Variants in SPG11 observed in about 807,000 individuals in gnomAD.
SPG11 encodes SPG11 vesicle trafficking associated, spatacsin.
A neutral mutation model predicts 274.0 loss-of-function variants in SPG11; 222 were observed. The ratio of observed to expected loss-of-function variants is 0.81; its 90% CI spans 0.73 to 0.91. The LOEUF (loss-of-function observed/expected upper bound fraction) is 0.91, where lower values mean the gene tolerates loss of function less well. SPG11 is among the 40% of genes least tolerant of loss of function. SPG11 has a pLI of 0.00. For missense variants in SPG11, 3,114 were observed against 2,872.7 expected (o/e 1.08, Z -1.92); for synonymous variants, 1,144 against 1,039.7 (o/e 1.10, Z -1.93).
chr15:44,589,792 T>C (rs1029851982), intron 27 of SPG11, among the ~76,000 whole-genome samples: 1 of 152,216 alleles, frequency 6.6e-6, no homozygotes, highest in African/African-American at 2.4e-5. Flanking sequence ...GATGTTTCAC[T>C]TAGCAGCTTC....
In SPG11 at chr15:44,627,652, C is replaced by T. The variant is rs577981690; in HGVS notation, c.2067+1017G>A. Among the ~76,000 whole-genome samples the T allele has an allele frequency of 3.0e-4, 46 of 151,464 alleles. 1 individual carries two copies. In the South Asian group the frequency reaches 4.8e-3, roughly 16 times the overall value. On this transcript the variant is annotated intron_variant, in intron 10 of 39. Coordinates refer to ENST00000261866, the MANE Select transcript of SPG11 (RefSeq NM_025137.4). ...TCACCTGGGCTGGAGTGCAGTGGTG[C>T]GATCTCAGCTCACCGCAACCTCCAC... is the stretch of plus-strand genomic sequence containing the variant.
chr15:44,580,390 A>C (rs560378227), intron 30 of SPG11, among the ~76,000 whole-genome samples: 18 of 152,272 alleles, frequency 1.2e-4, no homozygotes, highest in Non-Finnish European at 2.2e-4. Flanking sequence ...CCTCATTGTT[A>C]ACGCATGGCT....
intron 20 of SPG11, among the ~76,000 whole-genome samples, chr15:44,601,017 C>T (rs975245788): frequency 1.3e-4 from 20 of 152,128 alleles, no homozygotes; most frequent in African/African-American, 2.9e-4. Flanking sequence ...CCAGATGTGG[C>T]GGTGCATGCC....
At chr15:44,571,364 TGA>T (rs2082419399) in intron 33 of SPG11, among the ~76,000 whole-genome samples, 1 of 152,228 alleles carries the variant, frequency 6.6e-6, no homozygotes, top group Non-Finnish European at 1.5e-5. Flanking sequence ...GACCCTAGTC[TGA>T]GCTCCAGGAA....
chr15:44,648,457 G>A (rs967788014), intron 7 of SPG11, among the ~76,000 whole-genome samples: 1 of 149,234 alleles, frequency 6.7e-6, no homozygotes, highest in Non-Finnish European at 1.5e-5. Context: ...AGGTTGCAGT[G>A]AGCTGAGATT....
intron 4 of SPG11, among the ~76,000 whole-genome samples, chr15:44,653,432 A>T (rs577783468): frequency 9.2e-5 from 14 of 152,310 alleles, no homozygotes; most frequent in Non-Finnish European, 1.9e-4. Context: ...TAGTTCCCCC[A>T]TCAACAAAAT....
At chr15:44,648,688 AG>A (rs2084674444) in intron 7 of SPG11, among the ~76,000 whole-genome samples, 177 bp downstream of exon 7, 1 of 152,172 alleles carries the variant, frequency 6.6e-6, no homozygotes, top group Non-Finnish European at 1.5e-5. Flanking sequence ...AAAGCCAAAA[AG>A]GGTAAACTGC....
rs769324100 is a variant in SPG11 at position 44,596,785 on chromosome 15, T to A, written c.4160A>T (p.Glu1387Val). Residue 1387 changes from glutamate (E) to valine (V), a missense_variant and splice_region_variant, in exon 24 of 40, where the codon GAG becomes GTG. By Grantham distance (121) the Glu-to-Val change is moderately radical (BLOSUM62 -2). Transcript: ENST00000261866. ...HSQLHNYHPA[E>V]VKSLIQYFSP... is the part of the protein sequence containing the mutation. The stretch of plus-strand genomic sequence containing the variant: ...GACTGCTAACAATTAGTGGCTTACC[T>A]CTGCTGGGTGGTAGTTGTGGAGTTG... 1 of 1,597,842 alleles carries A rather than the reference T, an allele frequency of 6.3e-7. No individual in the cohort carries two copies. Among genetic ancestry groups the A allele is most frequent in the South Asian group, 1.1e-5 (1 of 90,762 alleles).
In SPG11 at chr15:44,563,093, A is replaced by G; in HGVS notation, c.*28T>C. On this transcript the variant is annotated 3_prime_UTR_variant, in exon 40 of 40. Coordinates refer to ENST00000261866, the MANE Select transcript of SPG11 (RefSeq NM_025137.4). Reference sequence around the variant, plus strand: ...ACATCTGTCAGAATCTGCTAACAGTACAAGAAAACAGACACCTATGAAATC... The same window carrying G: ...ACATCTGTCAGAATCTGCTAACAGTGCAAGAAAACAGACACCTATGAAATC... The G allele has an allele frequency of 1.2e-6, 2 of 1,609,634 alleles. No individual in the cohort carries two copies. The highest frequency in any genetic ancestry group is 2.7e-5 in the African/African-American group (2 of 74,960).
rs34479385 is a variant in SPG11, at chr15:44,587,693, CAAAAAAAAAAAA to C, written c.4906+1547_4906+1558del. Among the ~76,000 whole-genome samples the C allele has an allele frequency of 2.3e-4, 8 of 34,054 alleles. 1 individual carries two copies. The highest frequency in any genetic ancestry group is 8.9e-4 in the African/African-American group (5 of 5,638). 22.3% of individuals were successfully genotyped at this position (34,054 alleles called of 152,430 possible). A position where few individuals can be genotyped will look rare whatever the true frequency, so the allele number is the denominator to read the frequency against. ...CTTGGGCAACAGAGCCAGACTGTCT[CAAAAAAAAAAAA>C]AAAAAAAAAAAAAAACGTATTCCTG... On this transcript the variant is annotated intron_variant, in intron 28 of 39. Coordinates refer to ENST00000261866, the MANE Select transcript of SPG11 (RefSeq NM_025137.4).
chr15:44,653,175 T>G (rs372975526), intron 4 of SPG11, among the ~76,000 whole-genome samples: 3 of 152,070 alleles, frequency 2.0e-5, no homozygotes, highest in African/African-American at 7.3e-5. Context: ...ATTTTAAACT[T>G]TTATCTGAGG....
intron 19 of SPG11, among the ~76,000 whole-genome samples, chr15:44,606,873 A>T (rs1416450420): frequency 6.6e-6 from 1 of 152,234 alleles, no homozygotes. Context: ...CTTGTGTTTC[A>T]AGCTGATCCA....
Position 44,610,850 on chromosome 15 carries a change from C to T in SPG11, c.3281G>A (p.Gly1094Asp), listed in dbSNP as rs1279875744. 2 of 1,613,806 alleles carry T rather than the reference C, an allele frequency of 1.2e-6. No homozygotes were observed. The highest frequency in any genetic ancestry group is 2.2e-5 in the South Asian group (2 of 91,074). The part of the protein sequence containing the change: ...ALATTMYSPG[G>D]VSQVVQNEEN... ...AAGTGCTATCCATACCTGACTGACA[C>T]CCCCAGGAGAATACATTGTAGTAGC... The change falls in exon 18 of 40, where the codon GGT (glycine) becomes GAT (aspartate). Residue 1094 changes from glycine (G) to aspartate (D), a missense_variant. Transcript: ENST00000261866.
At chr15:44,632,791 G>A (rs1251106814) in intron 8 of SPG11, among the ~76,000 whole-genome samples, 1 of 152,092 alleles carries the variant, frequency 6.6e-6, no homozygotes. Context: ...TACAGGGCGA[G>A]CCACTGCATC....
chr15:44,653,872 A>G (rs1357649174), intron 4 of SPG11, among the ~76,000 whole-genome samples: 1 of 150,802 alleles, frequency 6.6e-6, no homozygotes, highest in African/African-American at 2.4e-5. Flanking sequence ...CACTTATATG[A>G]TTTTTTTTTT....
chr15:44,640,037 C>A (rs1032086744), intron 7 of SPG11, among the ~76,000 whole-genome samples: 35 of 152,124 alleles, frequency 2.3e-4, no homozygotes, highest in Admixed American at 2.1e-3. Context: ...AGTGAAACCC[C>A]GTCTCTACTA....
chr15:44,623,223 A>T (rs1292878925), intron 11 of SPG11, among the ~76,000 whole-genome samples: 3 of 152,190 alleles, frequency 2.0e-5, no homozygotes, highest in African/African-American at 7.2e-5. Context: ...TGCTAGGATT[A>T]CAGGCATGAG....
chr15:44,585,430 C>A (rs867100125), intron 29 of SPG11, among the ~76,000 whole-genome samples: 677 of 97,120 alleles, frequency 7.0e-3, no homozygotes, highest in South Asian at 0.01. Flanking sequence ...ACTAAAAATA[C>A]AAAAAAAAAA....
At chr15:44,657,020 AC>A in intron 4 of SPG11, 74 bp downstream of exon 4, 2 of 1,318,100 alleles carry the variant, frequency 1.5e-6, no homozygotes, top group South Asian at 1.4e-5. Flanking sequence ...AAAAAAAAAA[AC>A]TAACGAGGAT....
Sources: allele counts gnomAD v4.1 joint callset (sites outside exome capture counted in the v4.1 genomes callset), GRCh38; gene constraint gnomAD v4.1.1; transcripts MANE v1.5; gene names NCBI Gene and HGNC (gene_info 2026-07-23, HGNC 2026-07-21).